CNTN5: variants seen among roughly 807,000 people sequenced by gnomAD.
The protein encoded by CNTN5 is contactin-5.
In CNTN5, 77 loss-of-function variants were observed where a neutral mutation model predicts 129.1. The ratio of observed to expected loss-of-function variants is 0.60; its 90% CI spans 0.50 to 0.72. CNTN5 has a LOEUF of 0.72. Ranked by LOEUF, CNTN5 falls within the 30% of genes least tolerant of loss-of-function variation. The probability of loss-of-function intolerance (pLI) is 0.00; values close to 1 mark genes in which losing one functional copy is unlikely to be tolerated. For missense variants in CNTN5, 1,478 were observed against 1,328.8 expected (o/e 1.11, Z -1.75); for synonymous variants, 509 against 465.6 (o/e 1.09, Z -1.20).
chr11:99,868,428 C>T (rs1411379424), intron 6 of CNTN5, among the ~76,000 whole-genome samples: 1 of 152,048 alleles, frequency 6.6e-6, no homozygotes, highest in Non-Finnish European at 1.5e-5. Context: ...GATAAGCCAT[C>T]CTCATTTTGT....
chr11:99,713,640 C>A (rs1955095701), intron 3 of CNTN5, among the ~76,000 whole-genome samples: 1 of 151,912 alleles, frequency 6.6e-6, no homozygotes, highest in Non-Finnish European at 1.5e-5. Context: ...AATATGGAAC[C>A]CAATGTGCTG....
chr11:99,619,565 A>G (rs1950866043), intron 3 of CNTN5, among the ~76,000 whole-genome samples: 1 of 152,118 alleles, frequency 6.6e-6, no homozygotes, highest in African/African-American at 2.4e-5. Flanking sequence ...TAGAAAAAGT[A>G]TTTTTATACT....
chr11:99,516,354 T>G (rs1947052911), intron 2 of CNTN5, among the ~76,000 whole-genome samples: 1 of 152,146 alleles, frequency 6.6e-6, no homozygotes, highest in South Asian at 2.1e-4. Context: ...CTTGGGTAAT[T>G]AAAATTCATA....
In CNTN5 at chr11:99,818,444, A is replaced by G. The variant is rs141802996; in HGVS notation, c.56-1100A>G. ...CTAACTTTTTGTACTTTTTGTGTAG[A>G]TGGGGTCTCACTTTATTGCTTTTGC... On this transcript the variant is annotated intron_variant, in intron 3 of 24. Coordinates refer to ENST00000524871, the MANE Select transcript of CNTN5 (RefSeq NM_014361.4). Among the ~76,000 whole-genome samples, 85 of 152,188 alleles carry G rather than the reference A, an allele frequency of 5.6e-4. No individual in the cohort carries two copies. The East Asian group carries it at 0.013, about 23-fold the overall frequency.
At chr11:99,916,317 CA>C (rs1393647058) in intron 7 of CNTN5, among the ~76,000 whole-genome samples, 168 bp downstream of exon 7, 1 of 152,096 alleles carries the variant, frequency 6.6e-6, no homozygotes, top group African/African-American at 2.4e-5. Context: ...CTCTAAATAT[CA>C]TTAGACAGGA....
intron 1 of CNTN5, among the ~76,000 whole-genome samples, chr11:99,089,678 T>C (rs143885190): frequency 1.3e-5 from 2 of 152,336 alleles, no homozygotes; most frequent in African/African-American, 4.8e-5. Flanking sequence ...TAGAAATACA[T>C]TGGTAATTTT....
chr11:99,178,330 ACACACAC>A, intron 1 of CNTN5, among the ~76,000 whole-genome samples: 1 of 122,700 alleles, frequency 8.1e-6, no homozygotes, highest in East Asian at 2.3e-4. Flanking sequence ...ACACACACAC[ACACACAC>A]ACACACACAC....
At chr11:100,118,990 C>G (rs1945927225) in intron 13 of CNTN5, among the ~76,000 whole-genome samples, 1 of 151,302 alleles carries the variant, frequency 6.6e-6, no homozygotes, top group Non-Finnish European at 1.5e-5. Flanking sequence ...ACATTTTCTA[C>G]ATTAACCATG....
intron 3 of CNTN5, among the ~76,000 whole-genome samples, chr11:99,721,376 A>G (rs1413590076): frequency 2.0e-5 from 3 of 152,256 alleles, no homozygotes; most frequent in East Asian, 3.9e-4. Context: ...AAAACAAGCA[A>G]TGGGGAAAAG....
intron 1 of CNTN5, among the ~76,000 whole-genome samples, chr11:99,257,272 G>C (rs1452115718): frequency 6.6e-6 from 1 of 152,072 alleles, no homozygotes; most frequent in Non-Finnish European, 1.5e-5. Context: ...AGGAAGGAAG[G>C]GTAGGTCAAA....
At chr11:99,799,902 TATTACTA>T (rs1236847844) in intron 3 of CNTN5, among the ~76,000 whole-genome samples, 1 of 152,090 alleles carries the variant, frequency 6.6e-6, no homozygotes, top group African/African-American at 2.4e-5. Context: ...GTGGGTTTGC[TATTACTA>T]ATTCCATGTC....
intron 1 of CNTN5, among the ~76,000 whole-genome samples, chr11:99,141,045 T>G (rs1181331181): frequency 6.6e-6 from 1 of 152,124 alleles, no homozygotes; most frequent in Non-Finnish European, 1.5e-5. Flanking sequence ...CTTCTCAATT[T>G]TTTGGAATAA....
chr11:99,403,192 G>T (rs1444746140), intron 2 of CNTN5, among the ~76,000 whole-genome samples: 1 of 151,842 alleles, frequency 6.6e-6, no homozygotes, highest in South Asian at 2.1e-4. Flanking sequence ...AGTAGAGATG[G>T]GGTCTCACCA....
intron 6 of CNTN5, among the ~76,000 whole-genome samples, chr11:99,862,349 C>G (rs994051214): frequency 1.2e-5 from 1 of 81,984 alleles, no homozygotes; most frequent in African/African-American, 4.2e-5. Flanking sequence ...TATCCTTCAT[C>G]TTCGCTTATA....
At chr11:99,710,605 G>C (rs34572018) in intron 3 of CNTN5, among the ~76,000 whole-genome samples, 15,504 of 148,484 alleles carry the variant, frequency 0.1, 899 homozygotes, top group East Asian at 0.26. Flanking sequence ...GTGTGTGTAT[G>C]TATGTATGTA....
intron 2 of CNTN5, among the ~76,000 whole-genome samples, chr11:99,375,325 A>AAAAAAC: frequency 6.6e-6 from 1 of 150,728 alleles, no homozygotes; most frequent in Non-Finnish European, 1.5e-5. Context: ...AAAAAAAAAA[A>AAAAAAC]AGGAGAAATA....
At chr11:99,904,270 C>T (rs1438687977) in intron 6 of CNTN5, among the ~76,000 whole-genome samples, 4 of 152,004 alleles carry the variant, frequency 2.6e-5, no homozygotes, top group South Asian at 2.1e-4. Flanking sequence ...CTAATGCTAT[C>T]GCTCCCCTAG....
At chr11:100,283,808 C>T (rs113820065) in intron 18 of CNTN5, among the ~76,000 whole-genome samples, 2,154 of 152,020 alleles carry the variant, frequency 0.014, 66 homozygotes, top group African/African-American at 0.05. Context: ...TAGCCGGGCG[C>T]GGTAGCGGGC....
intron 1 of CNTN5, among the ~76,000 whole-genome samples, chr11:99,164,525 G>T (rs1463043754): frequency 6.6e-6 from 1 of 152,058 alleles, no homozygotes; most frequent in Non-Finnish European, 1.5e-5. Context: ...ACTCCTTCAT[G>T]TATCATATAG....
Sources: allele counts gnomAD v4.1 joint callset (sites outside exome capture counted in the v4.1 genomes callset), GRCh38; gene constraint gnomAD v4.1.1; transcripts MANE v1.5; gene names NCBI Gene and HGNC (gene_info 2026-07-23, HGNC 2026-07-21).